APOBEC3G: variants seen among roughly 807,000 people sequenced by gnomAD.
APOBEC3G encodes the protein apolipoprotein B mRNA editing enzyme catalytic subunit 3G.
A neutral mutation model predicts 50.0 loss-of-function variants in APOBEC3G; 44 were observed. The ratio of observed to expected loss-of-function variants is 0.88; its 90% CI spans 0.69 to 1.13. The LOEUF is 1.13. Ranked by LOEUF, APOBEC3G falls within the 50% of genes most tolerant of loss-of-function variation. APOBEC3G has a pLI of 0.00. For missense variants in APOBEC3G, 469 were observed against 492.0 expected (o/e 0.95, Z 0.44); for synonymous variants, 156 against 175.3 (o/e 0.89, Z 0.87).
At chr22:39,077,135 C>G (rs1928185749), upstream of APOBEC3G, 5 of 643,760 alleles carry the variant, frequency 7.8e-6, no homozygotes, top group Non-Finnish European at 1.3e-5. Flanking sequence ...GTCCCTCTGC[C>G]AGGGGGAGGG....
intron 7 of APOBEC3G, 135 bp from the exon 8 acceptor site, chr22:39,087,272 C>T: frequency 1.3e-6 from 2 of 1,597,008 alleles, no homozygotes; most frequent in African/African-American, 1.3e-5. Context: ...CTTTCCTTCT[C>T]ACAGCCTCCC....
chr22:39,086,459 A>T lies in APOBEC3G; in HGVS notation c.916A>T (p.Ser306Cys). 1 of 1,614,166 alleles carries T rather than the reference A, an allele frequency of 6.2e-7. No homozygotes were observed. Among genetic ancestry groups the T allele is most frequent in the East Asian group, 2.2e-5 (1 of 44,880 alleles). ...ATTCATTTCAAAAAACAAACACGTG[A>T]GCCTGTGCATCTTCACTGCCCGCAT... ...AKFISKNKHV[S>C]LCIFTARIYD... The change falls in exon 6 of 8, where the codon AGC becomes TGC. Residue 306 changes from serine to cysteine, a missense_variant. Transcript: ENST00000407997.
chr22:39,078,131 C>T (rs1173495413), intron 1 of APOBEC3G, among the ~76,000 whole-genome samples: 6 of 152,012 alleles, frequency 3.9e-5, no homozygotes, highest in East Asian at 1.9e-4. Flanking sequence ...TGGTGGCGGG[C>T]GCCTGTAATC....
intron 4 of APOBEC3G, 40 bp from the exon 5 acceptor site, chr22:39,083,691 G>A (rs944158909): frequency 1.9e-6 from 3 of 1,606,628 alleles, no homozygotes; most frequent in Admixed American, 1.7e-5. Flanking sequence ...GACAGACCAG[G>A]AGGGCTCTTA....
At chr22:39,078,293 A>T (rs541472118) in intron 1 of APOBEC3G, among the ~76,000 whole-genome samples, 7 of 152,266 alleles carry the variant, frequency 4.6e-5, no homozygotes, top group African/African-American at 1.4e-4. Context: ...AAGAAAAAAC[A>T]TGGAATATAT....
intron 5 of APOBEC3G, 116 bp from the exon 6 acceptor site, chr22:39,086,163 G>C (rs1372793708): frequency 1.7e-6 from 2 of 1,180,494 alleles, no homozygotes; most frequent in East Asian, 4.9e-5. Flanking sequence ...AATTAGCCTG[G>C]TGTGGTGGTG....
At chr22:39,084,954 A>G (rs1259899286) in intron 5 of APOBEC3G, among the ~76,000 whole-genome samples, 1 of 152,126 alleles carries the variant, frequency 6.6e-6, no homozygotes, top group Admixed American at 6.5e-5. Flanking sequence ...TGAGCTTAAT[A>G]TGGGCCCTGC....
At chr22:39,084,203 G>C (rs540140844) in intron 5 of APOBEC3G, among the ~76,000 whole-genome samples, 4 of 152,268 alleles carry the variant, frequency 2.6e-5, no homozygotes, top group Non-Finnish European at 2.9e-5. Context: ...CAGAGGAAAA[G>C]GGTCTGCACC....
rs1928706268 is a variant in APOBEC3G, at chr22:39,086,565, G to A, written c.1022G>A (p.Ser341Asn). The A allele has an allele frequency of 6.3e-7, 1 of 1,597,918 alleles. No individual in the cohort carries two copies. The highest frequency in any genetic ancestry group is 8.5e-7 in the Non-Finnish European group (1 of 1,169,976). Reference protein sequence around the residue: ...AGAKISIMTYSEFKHCWDTFV... With the variant: ...AGAKISIMTYNEFKHCWDTFV... The stretch of plus-strand genomic sequence containing the variant: ...GCCAAAATTTCAATAATGACATACA[G>A]TGGTGAGAATGGAAGCCTGGAGTAG... The change falls in exon 6 of 8, where the codon AGT (serine) becomes AAT (asparagine). Residue 341 changes from serine to asparagine, a missense_variant and splice_region_variant. Coordinates refer to ENST00000407997, the MANE Select transcript of APOBEC3G (RefSeq NM_021822.4).
At chr22:39,079,241 C>G in intron 2 of APOBEC3G, 156 bp downstream of exon 2, 1 of 1,075,170 alleles carries the variant, frequency 9.3e-7, no homozygotes, top group Non-Finnish European at 1.3e-6. Context: ...CCTGCTGGAC[C>G]GTCCTGGGAT....
intron 4 of APOBEC3G, among the ~76,000 whole-genome samples, chr22:39,083,483 AC>A (rs959868870): frequency 4.6e-5 from 7 of 152,008 alleles, no homozygotes; most frequent in African/African-American, 1.2e-4. Flanking sequence ...CCCTGGGGAG[AC>A]CCTGACAAGG....
intron 5 of APOBEC3G, 43 bp from the exon 6 acceptor site, chr22:39,086,236 C>CA (rs112871176): frequency 0.065 from 61,915 of 959,210 alleles, 16 homozygotes; most frequent in Non-Finnish European, 0.071. Flanking sequence ...AACTCTGTCT[C>CA]AAAAAAAAAA....
chr22:39,081,245 C>T lies in APOBEC3G; in HGVS notation c.466+18C>T. 6.2e-7 allele frequency: 1 copy of T among 1,611,734 alleles called. No homozygotes were observed. Among genetic ancestry groups the T allele is most frequent in the Non-Finnish European group, 8.5e-7 (1 of 1,178,764 alleles). ...TTATGACGGTGAGAAGTGGGAGGTT[C>T]AGGGGTGTGGGAGAGACTGCTTAAG... is the stretch of plus-strand genomic sequence containing the variant. On this transcript the variant is annotated intron_variant, in intron 3 of 7. Coordinates refer to ENST00000407997, the MANE Select transcript of APOBEC3G (RefSeq NM_021822.4).
chr22:39,083,408 A>G (rs1022071223), intron 4 of APOBEC3G, among the ~76,000 whole-genome samples: 3 of 152,136 alleles, frequency 2.0e-5, no homozygotes, highest in East Asian at 1.9e-4. Flanking sequence ...ACTGGGGTCT[A>G]TGGTGAGGCC....
chr22:39,087,400 C>T lies in APOBEC3G; in HGVS notation c.1141-7C>T, dbSNP rs371155567. On this transcript the variant is annotated splice_polypyrimidine_tract_variant and splice_region_variant and intron_variant, in intron 7 of 7. Transcript: ENST00000407997. ...CTTTGCTCCATTCAACCTCCCTGCT[C>T]TTCCAGAATCAGGAAAACTGAAGGA... is the stretch of plus-strand genomic sequence containing the variant. 6.2e-7 allele frequency: 1 copy of T among 1,614,110 alleles called. No homozygotes were observed.
rs1367268431 is a variant in APOBEC3G, at chr22:39,087,566, G to A, written c.*145G>A. 1.4e-6 allele frequency: 2 copies of A among 1,465,130 alleles called. No homozygotes were observed. The highest frequency in any genetic ancestry group is 4.4e-5 in the Admixed American group (2 of 45,558). 90.8% of individuals were successfully genotyped at this position (1,465,130 alleles called of 1,614,324 possible). ...AGCAAAGCAATGCACTCCTGACCAA[G>A]TAGATTCTTTTAAAAATTAGAGTGC... On this transcript the variant is annotated 3_prime_UTR_variant, in exon 8 of 8. Transcript: ENST00000407997.
In APOBEC3G at chr22:39,078,983, T is replaced by C. The variant is rs1474848270; in HGVS notation, c.69T>C (p.Asn23=). 3.1e-6 allele frequency: 5 copies of C among 1,614,070 alleles called. No individual in the cohort carries two copies. The highest frequency in any genetic ancestry group is 2.2e-5 in the South Asian group (2 of 91,090). Residue 23 remains asparagine (N), a synonymous_variant, in exon 2 of 8, where the codon AAT becomes AAC. Coordinates refer to ENST00000407997, the MANE Select transcript of APOBEC3G (RefSeq NM_021822.4). ...YRDTFSYNFY[N]RPILSRRNTV... ...ACACATTCTCCTACAACTTTTATAA[T>C]AGACCCATCCTTTCTCGTCGGAATA... is the stretch of plus-strand genomic sequence containing the variant.
chr22:39,085,541 C>T (rs937941945), intron 5 of APOBEC3G, among the ~76,000 whole-genome samples: 1 of 152,176 alleles, frequency 6.6e-6, no homozygotes, highest in Non-Finnish European at 1.5e-5. Context: ...TCCAAATACT[C>T]AGTATCAGAG....
Position 39,086,403 on chromosome 22 carries a change from C to T in APOBEC3G, c.860C>T (p.Pro287Leu), listed in dbSNP as rs138470593. 7 of 1,614,040 alleles carry T rather than the reference C, an allele frequency of 4.3e-6. No individual in the cohort carries two copies. The highest frequency in any genetic ancestry group is 1.3e-5 in the African/African-American group (1 of 74,910). ...YRVTCFTSWSPCFSCAQEMAK... is the reference protein window; with the variant it reads ...YRVTCFTSWSLCFSCAQEMAK... ...GTTACCTGCTTCACCTCCTGGAGCC[C>T]CTGCTTCAGCTGTGCCCAGGAAATG... Residue 287 changes from proline to leucine, a missense_variant, in exon 6 of 8, where the codon CCC (proline) becomes CTC (leucine). Physicochemically the swap from Pro to Leu is moderately conservative, Grantham distance 98 (BLOSUM62 -3). Transcript: ENST00000407997.
Sources: allele counts gnomAD v4.1 joint callset (sites outside exome capture counted in the v4.1 genomes callset), GRCh38; gene constraint gnomAD v4.1.1; transcripts MANE v1.5; gene names NCBI Gene and HGNC (gene_info 2026-07-23, HGNC 2026-07-21).